The following USP9X variants were observed in gnomAD, a reference collection of about 807,000 sequenced individuals.
The protein encoded by USP9X is ubiquitin carboxyl-terminal hydrolase 9X.
USP9X carries 7 observed loss-of-function variants against 190.3 expected under a neutral mutation model. The observed-to-expected ratio is 0.04, with a 90% CI of 0.02 to 0.07. The LOEUF (loss-of-function observed/expected upper bound fraction) is 0.07, where lower values mean the gene tolerates loss of function less well. Among genes scored for constraint, USP9X ranks in the 10% least tolerant of loss-of-function variants. The pLI is 1.00. For synonymous variants in USP9X, 645 were observed against 659.5 expected, an observed-to-expected ratio of 0.98 and a Z score of 0.34; for missense variants, 1,010 against 1,916.9, an observed-to-expected ratio of 0.53 and a Z score of 8.83.
intron 15 of USP9X, 68 bp from the exon 16 acceptor site, chrX:41,165,804 T>C (rs2062674156): frequency 1.2e-6 from 1 of 848,211 alleles, no homozygotes; most frequent in Admixed American, 2.6e-5. Flanking sequence ...ATTTTATAGG[T>C]AATACAGATT....
chrX:41,120,862 A>G (rs1326984223), intron 1 of USP9X, among the ~76,000 whole-genome samples: 2 of 101,101 alleles, frequency 2.0e-5, no homozygotes, highest in African/African-American at 7.4e-5. Context: ...TTTTTGAGAC[A>G]GGGTCTCGCT....
chrX:41,182,361 C>T (rs895163455), intron 21 of USP9X, among the ~76,000 whole-genome samples: 3 of 108,359 alleles, frequency 2.8e-5, no homozygotes, highest in African/African-American at 9.9e-5. Context: ...CAGAGTGAGA[C>T]CCTGTCTCAA....
chrX:41,236,167 G>GA lies in USP9X; in HGVS notation c.*3653dup, dbSNP rs1034118935. ...TACACCCCAGTTTTTGTGTTACCAA[G>GA]AAAAAAAAAACAGTATTGGTTTCAT... On this transcript the variant is annotated 3_prime_UTR_variant, in exon 45 of 45. Coordinates refer to ENST00000378308, the MANE Select transcript of USP9X (RefSeq NM_001039591.3). 4.0e-4 allele frequency: 42 copies of GA among 104,875 alleles called. No individual in the cohort carries two copies. The highest frequency in any genetic ancestry group is 6.1e-4 in the Admixed American group (6 of 9,757). The allele number at this position is 104,875 out of a possible 1,213,427, so 8.6% of individuals were successfully genotyped here. A position where few individuals can be genotyped will look rare whatever the true frequency, so the allele number is the denominator to read the frequency against.
At position 41,230,541 on chromosome X, in the gene USP9X, C is replaced by T; in HGVS notation, c.7472C>T (p.Pro2491Leu). The T allele has an allele frequency of 1.7e-6, 2 of 1,211,247 alleles. No individual in the cohort carries two copies. Among genetic ancestry groups the T allele is most frequent in the Non-Finnish European group, 2.2e-6 (2 of 895,303 alleles). Residue 2491 changes from proline to leucine, a missense_variant, in exon 44 of 45, where the codon CCT becomes CTT. By Grantham distance (98) the Pro-to-Leu change is moderately conservative. Coordinates refer to ENST00000378308, the MANE Select transcript of USP9X (RefSeq NM_001039591.3). ...DQDAPDEHES[P>L]PPEDAPLYPH... Reference sequence around the variant, plus strand: ...GATGCTCCAGATGAACATGAGTCGCCTCCACCTGAAGATGCCCCATTGTAC... The same window carrying T: ...GATGCTCCAGATGAACATGAGTCGCTTCCACCTGAAGATGCCCCATTGTAC...
At chrX:41,207,908 CCTCT>C (rs1005514029) in intron 32 of USP9X, among the ~76,000 whole-genome samples, 1 of 111,114 alleles carries the variant, frequency 9.0e-6, no homozygotes, top group African/African-American at 3.3e-5. Context: ...CATTCTCCCT[CCTCT>C]CTGACTATTT....
In USP9X at chrX:41,232,796, TAAGC is replaced by T. The variant is rs1345608376; in HGVS notation, c.*276_*279del. The T allele has an allele frequency of 3.8e-5, 6 of 158,767 alleles. No homozygotes were observed. The highest frequency in any genetic ancestry group is 2.5e-4 in the South Asian group (1 of 4,011). The allele number at this position is 158,767 out of a possible 1,213,427, so 13.1% of individuals were successfully genotyped here. A position where few individuals can be genotyped will look rare whatever the true frequency, so the allele number is the denominator to read the frequency against. ...TATATTAATGTTGACTGTTAATTCT[TAAGC>T]AAGAAACTTTTTTCTTGATGAGACT... is the stretch of plus-strand genomic sequence containing the variant. On this transcript the variant is annotated 3_prime_UTR_variant, in exon 45 of 45. Coordinates refer to ENST00000378308, the MANE Select transcript of USP9X (RefSeq NM_001039591.3).
Position 41,235,355 on chromosome X carries a change from ATTTTAAATTTCAAGTC to A in USP9X, c.*2834_*2849del, listed in dbSNP as rs1443674016. On this transcript the variant is annotated 3_prime_UTR_variant, in exon 45 of 45. Transcript: ENST00000378308. ...GTCTTTTTCTGAACACAAGTGGCACATTTTAAATTTCAAGTCTTCAAAGTGCCTAAGGATTATTTAG... is the reference window on the plus strand; with the variant it reads ...GTCTTTTTCTGAACACAAGTGGCACATTCAAAGTGCCTAAGGATTATTTAG... The A allele has an allele frequency of 1.8e-5, 2 of 113,125 alleles. No individual in the cohort carries two copies. Among genetic ancestry groups the A allele is most frequent in the Non-Finnish European group, 1.9e-5 (1 of 53,365 alleles). The allele number at this position is 113,125 out of a possible 1,213,427, so 9.3% of individuals were successfully genotyped here.
chrX:41,178,379 G>A (rs2062797588), intron 21 of USP9X, among the ~76,000 whole-genome samples: 1 of 110,377 alleles, frequency 9.1e-6, no homozygotes, highest in Non-Finnish European at 1.9e-5. Context: ...AGGATTACAG[G>A]TGTGAACCAC....
intron 3 of USP9X, among the ~76,000 whole-genome samples, chrX:41,129,601 A>G (rs1307572838): frequency 1.8e-5 from 2 of 111,944 alleles, no homozygotes; most frequent in East Asian, 5.6e-4. Flanking sequence ...CTTATAGTAC[A>G]AACAACCACC....
At chrX:41,191,166 A>T (rs1325007231) in intron 26 of USP9X, among the ~76,000 whole-genome samples, 1 of 109,646 alleles carries the variant, frequency 9.1e-6, no homozygotes, top group Non-Finnish European at 1.9e-5. Flanking sequence ...CGACTCTACT[A>T]AAAATACAAA....
At chrX:41,205,234 A>G in intron 31 of USP9X, 69 bp from the exon 32 acceptor site, 1 of 825,983 alleles carries the variant, frequency 1.2e-6, no homozygotes, top group Non-Finnish European at 1.7e-6. Flanking sequence ...TTGTTCAATA[A>G]CTGCTTGGCA....
At chrX:41,214,758 A>G (rs2063196910) in intron 34 of USP9X, 49 bp downstream of exon 34, 1 of 1,142,097 alleles carries the variant, frequency 8.8e-7, no homozygotes. Flanking sequence ...TAATGGATTT[A>G]GAAGAAATTG....
intron 21 of USP9X, among the ~76,000 whole-genome samples, chrX:41,182,500 G>A (rs2062836534): frequency 9.1e-6 from 1 of 109,993 alleles, no homozygotes; most frequent in Admixed American, 9.7e-5. Context: ...ATGAGATACA[G>A]TGGTTAAGCA....
intron 38 of USP9X, 34 bp from the exon 39 acceptor site, chrX:41,223,183 T>G (rs1240629368): frequency 5.9e-6 from 7 of 1,182,329 alleles, no homozygotes; most frequent in Non-Finnish European, 7.9e-6. Flanking sequence ...TTTCTCCCTC[T>G]CTTTCTTCTC....
At chrX:41,124,687 T>C (rs2062221365) in intron 2 of USP9X, among the ~76,000 whole-genome samples, 1 of 111,549 alleles carries the variant, frequency 9.0e-6, no homozygotes, top group Non-Finnish European at 1.9e-5. Flanking sequence ...ATACATACAA[T>C]TGTAAATTGT....
chrX:41,125,373 C>A (rs113896714), intron 2 of USP9X, among the ~76,000 whole-genome samples: 1 of 76,906 alleles, frequency 1.3e-5, no homozygotes, highest in Non-Finnish European at 2.7e-5. Context: ...CGGTACCCGG[C>A]CGATCCATTT....
At chrX:41,164,040 T>A (rs913340703) in intron 15 of USP9X, among the ~76,000 whole-genome samples, 1 of 110,832 alleles carries the variant, frequency 9.0e-6, no homozygotes, top group Non-Finnish European at 1.9e-5. Context: ...GCCCAGCTAA[T>A]TTTTGTGTTT....
intron 38 of USP9X, among the ~76,000 whole-genome samples, chrX:41,219,595 G>T (rs767147991): frequency 1.8e-5 from 2 of 111,531 alleles, no homozygotes; most frequent in East Asian, 5.6e-4. Context: ...TCCCCAAATG[G>T]TTGTGATACT....
chrX:41,113,918 A>G (rs758757073), intron 1 of USP9X, among the ~76,000 whole-genome samples: 11 of 113,071 alleles, frequency 9.7e-5, no homozygotes, highest in African/African-American at 1.6e-4. Context: ...TATAGACCAC[A>G]TGTGGTGCCA....
Sources: allele counts gnomAD v4.1 joint callset (sites outside exome capture counted in the v4.1 genomes callset), GRCh38; gene constraint gnomAD v4.1.1; transcripts MANE v1.5; gene names NCBI Gene and HGNC (gene_info 2026-07-23, HGNC 2026-07-21).